The following BTBD9 variants were observed in gnomAD, a reference collection of about 807,000 sequenced individuals.
The protein encoded by BTBD9 is BTB domain containing 9, also known as BTB/POZ domain-containing protein 9.
BTBD9 carries 49 observed loss-of-function variants against 64.3 expected under a neutral mutation model. The observed-to-expected ratio is 0.76, with a 90% CI of 0.61 to 0.97. BTBD9 has a LOEUF of 0.97. BTBD9 is among the 50% of genes least tolerant of loss of function. BTBD9 has a pLI of 0.00. For synonymous variants in BTBD9, 260 were observed against 274.7 expected (o/e 0.95, Z 0.53); for missense variants, 598 against 762.1 (o/e 0.78, Z 2.53).
intron 8 of BTBD9, among the ~76,000 whole-genome samples, chr6:38,270,211 T>C (rs764302102): frequency 6.6e-6 from 1 of 152,210 alleles, no homozygotes; most frequent in Non-Finnish European, 1.5e-5. Flanking sequence ...CTATGCCTTA[T>C]AATCCTTTTT....
At chr6:38,493,617 C>T (rs1166888941) in intron 6 of BTBD9, among the ~76,000 whole-genome samples, 3 of 152,184 alleles carry the variant, frequency 2.0e-5, no homozygotes, top group African/African-American at 4.8e-5. Context: ...ATTGCGAAGA[C>T]AGGTTTTAGG....
chr6:38,232,703 T>C (rs1042399235), intron 9 of BTBD9, among the ~76,000 whole-genome samples: 1 of 151,906 alleles, frequency 6.6e-6, no homozygotes, highest in African/African-American at 2.4e-5. Flanking sequence ...CTCGCTATGT[T>C]ACCCAGGCTG....
At chr6:38,398,216 AT>A (rs1413627068) in intron 6 of BTBD9, among the ~76,000 whole-genome samples, 6 of 152,222 alleles carry the variant, frequency 3.9e-5, no homozygotes, top group African/African-American at 1.4e-4. Flanking sequence ...ATGAAGCACA[AT>A]TTTAAAAACA....
intron 1 of BTBD9, among the ~76,000 whole-genome samples, chr6:38,627,326 T>C (rs1269393682): frequency 6.6e-6 from 1 of 152,152 alleles, no homozygotes; most frequent in Non-Finnish European, 1.5e-5. Context: ...AAGAAATCCA[T>C]GACATGGTGC....
intron 1 of BTBD9, among the ~76,000 whole-genome samples, chr6:38,634,588 G>T (rs35812457): frequency 0.016 from 2,405 of 152,076 alleles, 63 homozygotes; most frequent in African/African-American, 0.054. Context: ...AAAAAAAAGG[G>T]GGGGGAGAGG....
At chr6:38,497,065 A>G (rs949437834) in intron 6 of BTBD9, among the ~76,000 whole-genome samples, 1 of 152,200 alleles carries the variant, frequency 6.6e-6, no homozygotes, top group Admixed American at 6.5e-5. Context: ...CAAATGCCAC[A>G]ATACAGAACT....
At chr6:38,426,865 C>T (rs1279692795) in intron 6 of BTBD9, among the ~76,000 whole-genome samples, 3 of 151,814 alleles carry the variant, frequency 2.0e-5, no homozygotes, top group Non-Finnish European at 4.4e-5. Flanking sequence ...AAGCAGCTTG[C>T]CACCATCTTG....
chr6:38,193,064 A>T (rs1180896378), intron 9 of BTBD9, among the ~76,000 whole-genome samples: 9 of 151,760 alleles, frequency 5.9e-5, no homozygotes, highest in South Asian at 2.1e-4. Context: ...ATAATAATAA[A>T]AAAAAAAGTG....
intron 9 of BTBD9, among the ~76,000 whole-genome samples, chr6:38,196,402 T>A (rs80038139): frequency 6.6e-6 from 1 of 152,202 alleles, no homozygotes; most frequent in Non-Finnish European, 1.5e-5. Context: ...GATAGTGTTA[T>A]TACCACTATA....
chr6:38,296,165 CTTAG>C (rs1190791765), intron 7 of BTBD9, among the ~76,000 whole-genome samples: 2 of 152,156 alleles, frequency 1.3e-5, no homozygotes, highest in East Asian at 1.9e-4. Flanking sequence ...AATTGTAAAT[CTTAG>C]TTAGCTCCTC....
chr6:38,179,772 G>C (rs1035592501), intron 10 of BTBD9: 12 of 456,650 alleles, frequency 2.6e-5, no homozygotes, highest in African/African-American at 2.2e-4. Flanking sequence ...CACGGGATCA[G>C]TAATATTTCA....
At chr6:38,257,483 C>T (rs1195171112) in intron 8 of BTBD9, among the ~76,000 whole-genome samples, 5 of 152,100 alleles carry the variant, frequency 3.3e-5, no homozygotes, top group African/African-American at 1.2e-4. Flanking sequence ...AGGTGTGAGC[C>T]GCTGTGCTGG....
chr6:38,186,326 C>T lies in BTBD9; in HGVS notation c.1641+6193G>A, dbSNP rs575746777. ...GCACACAGTAAGTGCTCAGCAAATA[C>T]TAGCTACTATTATTGTAATTAATAA... On this transcript the variant is annotated intron_variant, in intron 10 of 10. Coordinates refer to ENST00000481247, the MANE Select transcript of BTBD9 (RefSeq NM_001099272.2). Among the ~76,000 whole-genome samples the T allele has an allele frequency of 5.3e-5, 8 of 152,274 alleles. No homozygotes were observed. The South Asian group carries it at 1.7e-3, about 32-fold the overall frequency.
intron 8 of BTBD9, among the ~76,000 whole-genome samples, chr6:38,282,107 G>A (rs941867801): frequency 6.6e-6 from 1 of 152,154 alleles, no homozygotes; most frequent in Non-Finnish European, 1.5e-5. Context: ...TATAAACTAA[G>A]ACATTAGGTG....
intron 6 of BTBD9, among the ~76,000 whole-genome samples, chr6:38,401,444 G>T (rs542471235): frequency 6.6e-6 from 1 of 152,232 alleles, no homozygotes; most frequent in South Asian, 2.1e-4. Context: ...GACTAATACA[G>T]TATGTATACA....
At chr6:38,336,633 T>C (rs1247041569) in intron 7 of BTBD9, among the ~76,000 whole-genome samples, 3 of 152,124 alleles carry the variant, frequency 2.0e-5, no homozygotes, top group Non-Finnish European at 1.5e-5. Flanking sequence ...TTATGGGAAC[T>C]ACAATTCAAG....
In BTBD9 at chr6:38,289,601, A is replaced by T. The variant is rs1392648386; in HGVS notation, c.1265-1140T>A. Among the ~76,000 whole-genome samples the T allele has an allele frequency of 2.6e-5, 4 of 152,210 alleles. No homozygotes were observed. The East Asian group carries it at 7.7e-4, about 29-fold the overall frequency. ...ATAGGAAAGTGATCTGAGACCTGGT[A>T]CCAAACCCATTTCAGAATATACAGT... On this transcript the variant is annotated intron_variant, in intron 7 of 10. Transcript: ENST00000481247.
intron 7 of BTBD9, among the ~76,000 whole-genome samples, chr6:38,298,923 G>A (rs1455240912): frequency 2.7e-5 from 4 of 150,308 alleles, no homozygotes; most frequent in Non-Finnish European, 5.9e-5. Context: ...TGTTACATAT[G>A]TATACATGTG....
At chr6:38,265,947 C>A (rs2127540718) in intron 8 of BTBD9, among the ~76,000 whole-genome samples, 1 of 152,308 alleles carries the variant, frequency 6.6e-6, no homozygotes, top group South Asian at 2.1e-4. Flanking sequence ...ATGGCTGCAG[C>A]TGCAATATTC....
Sources: gnomAD v4.1 joint callset for allele counts (sites outside exome capture counted in the v4.1 genomes callset) on GRCh38, gnomAD v4.1.1 for gene constraint, MANE v1.5 for transcripts, NCBI Gene and HGNC (gene_info 2026-07-23, HGNC 2026-07-21) for gene names.